The following MYO1E variants were observed in gnomAD, a reference collection of about 807,000 sequenced individuals.
MYO1E encodes unconventional myosin-Ie.
A neutral mutation model predicts 151.1 loss-of-function variants in MYO1E; 68 were observed. The ratio of observed to expected loss-of-function variants is 0.45; its 90% CI spans 0.37 to 0.55. The LOEUF (loss-of-function observed/expected upper bound fraction) is 0.55. Among genes scored for constraint, MYO1E ranks in the 20% least tolerant of loss-of-function variants. The probability of loss-of-function intolerance (pLI) is 0.00; values close to 1 mark genes in which losing one functional copy is unlikely to be tolerated. For missense variants in MYO1E, 1,363 were observed against 1,389.3 expected, an observed-to-expected ratio of 0.98 and a Z score of 0.30; for synonymous variants, 601 against 501.7, an observed-to-expected ratio of 1.20 and a Z score of -2.64.
At chr15:59,200,566 C>T (rs1596361961) in intron 16 of MYO1E, among the ~76,000 whole-genome samples, 1 of 152,188 alleles carries the variant, frequency 6.6e-6, no homozygotes, top group African/African-American at 2.4e-5. Flanking sequence ...AGGTGGATCG[C>T]TTGAGCCCAG....
intron 26 of MYO1E, among the ~76,000 whole-genome samples, chr15:59,142,671 C>T (rs545632801): frequency 2.0e-4 from 30 of 152,292 alleles, no homozygotes; most frequent in African/African-American, 7.0e-4. Context: ...CCTACAGACT[C>T]TGCCAGGGGC....
chr15:59,138,607 C>G (rs571700270), intron 26 of MYO1E, among the ~76,000 whole-genome samples: 1 of 152,288 alleles, frequency 6.6e-6, no homozygotes, highest in South Asian at 2.1e-4. Flanking sequence ...CACTGTGTCC[C>G]CAGCATAGAA....
intron 1 of MYO1E, among the ~76,000 whole-genome samples, chr15:59,316,050 G>A (rs1335452956): frequency 3.3e-5 from 5 of 152,140 alleles, no homozygotes; most frequent in African/African-American, 7.2e-5. Flanking sequence ...TTCTGAGAAG[G>A]AGCCTGAGCA....
chr15:59,156,344 C>T (rs2140308258), intron 25 of MYO1E, among the ~76,000 whole-genome samples: 1 of 152,268 alleles, frequency 6.6e-6, no homozygotes, highest in East Asian at 1.9e-4. Flanking sequence ...ACCACCATGC[C>T]TGGCTAATTT....
intron 2 of MYO1E, among the ~76,000 whole-genome samples, chr15:59,267,218 GT>G (rs34619945): frequency 0.97 from 146,383 of 151,644 alleles, 70,806 homozygotes; most frequent in Non-Finnish European, 1. Context: ...TAGAGACGGG[GT>G]TTTCACCATG....
intron 1 of MYO1E, among the ~76,000 whole-genome samples, chr15:59,356,351 A>C (rs1414448108): frequency 2.6e-5 from 4 of 152,148 alleles, no homozygotes; most frequent in Non-Finnish European, 5.9e-5. Flanking sequence ...GTTCCAACGA[A>C]AATGAAAGGC....
chr15:59,158,703 T>G (rs1164969104), intron 24 of MYO1E, among the ~76,000 whole-genome samples: 1 of 152,250 alleles, frequency 6.6e-6, no homozygotes, highest in Admixed American at 6.5e-5. Context: ...TTTAAACATT[T>G]GCATTCATGT....
rs180786741 is a variant in MYO1E at position 59,344,721 on chromosome 15, T to C, written c.3+27777A>G. On this transcript the variant is annotated intron_variant, in intron 1 of 27. Transcript: ENST00000288235. ...CTGGCACCAAAACCACCAAAGTCCT[T>C]CCCACTCTTACCTCCCACCTTTCCC... Among the ~76,000 whole-genome samples the C allele has an allele frequency of 3.1e-3, 476 of 152,276 alleles. 3 individuals are homozygous for C. Among genetic ancestry groups the C allele is most frequent in the Non-Finnish European group, 4.9e-3 (335 of 68,010 alleles).
chr15:59,195,530 C>T lies in MYO1E; in HGVS notation c.1736G>A (p.Cys579Tyr). ...GATGCAGCGAATGTAGTGGGGCGTACATTTCATCAGGGTGCTCACAAGGTC... is the reference window on the plus strand; with the variant it reads ...GATGCAGCGAATGTAGTGGGGCGTATATTTCATCAGGGTGCTCACAAGGTC... ...ANDLVSTLMK[C>Y]TPHYIRCIKP... The change falls in exon 17 of 28, where the codon TGT becomes TAT. Residue 579 changes from cysteine to tyrosine, a missense_variant. By Grantham distance (194) the Cys-to-Tyr change is radical. Coordinates refer to ENST00000288235, the MANE Select transcript of MYO1E (RefSeq NM_004998.4). The T allele has an allele frequency of 6.2e-7, 1 of 1,614,082 alleles. No homozygotes were observed. Among genetic ancestry groups the T allele is most frequent in the Non-Finnish European group, 8.5e-7 (1 of 1,179,974 alleles).
At chr15:59,274,298 C>T (rs1212908161) in intron 1 of MYO1E, among the ~76,000 whole-genome samples, 1 of 152,152 alleles carries the variant, frequency 6.6e-6, no homozygotes, top group African/African-American at 2.4e-5. Context: ...ACAAAATTAC[C>T]TCAGACCTCA....
At chr15:59,148,636 G>A (rs1046249370) in intron 26 of MYO1E, among the ~76,000 whole-genome samples, 32 of 152,180 alleles carry the variant, frequency 2.1e-4, no homozygotes, top group African/African-American at 7.7e-4. Flanking sequence ...TAGATTATGG[G>A]TTGAGAAATA....
At chr15:59,336,918 T>A (rs11857648) in intron 1 of MYO1E, among the ~76,000 whole-genome samples, 2 of 151,928 alleles carry the variant, frequency 1.3e-5, no homozygotes, top group Non-Finnish European at 2.9e-5. Flanking sequence ...GCAAAGGACA[T>A]GAACTCATCC....
chr15:59,179,747 A>G (rs1207828995), intron 18 of MYO1E, among the ~76,000 whole-genome samples: 1 of 152,280 alleles, frequency 6.6e-6, no homozygotes, highest in Admixed American at 6.5e-5. Context: ...TTTCTTTTAA[A>G]GATTATCCAG....
intron 1 of MYO1E, among the ~76,000 whole-genome samples, chr15:59,297,830 C>A (rs1414132566): frequency 6.6e-6 from 1 of 152,102 alleles, no homozygotes; most frequent in African/African-American, 2.4e-5. Context: ...GATCCTCCCA[C>A]CGTGGGCTTT....
intron 26 of MYO1E, among the ~76,000 whole-genome samples, chr15:59,139,244 TTACTCCTCACACTTCCCTCCCACC>T (rs2079393101): frequency 1.4e-5 from 1 of 72,680 alleles, no homozygotes; most frequent in African/African-American, 2.9e-5. Flanking sequence ...TCCCTCATTA[TTACTCCTCACACTTCCCTCCCACC>T]CCCTCATTAT....
chr15:59,157,599 G>C (rs986105451), intron 25 of MYO1E, among the ~76,000 whole-genome samples: 1 of 152,176 alleles, frequency 6.6e-6, no homozygotes. Flanking sequence ...CCCATCATCA[G>C]TCACTAAGCA....
At chr15:59,216,623 T>TATCTA (rs201595850) in intron 10 of MYO1E, among the ~76,000 whole-genome samples, 1 of 131,850 alleles carries the variant, frequency 7.6e-6, no homozygotes, top group Non-Finnish European at 1.6e-5. Flanking sequence ...TCTATCTATC[T>TATCTA]TTTGGATCGA....
intron 1 of MYO1E, among the ~76,000 whole-genome samples, chr15:59,303,962 A>G (rs1596408534): frequency 6.9e-6 from 1 of 144,464 alleles, no homozygotes; most frequent in African/African-American, 2.6e-5. Flanking sequence ...AGGCGTCTCT[A>G]TTTTCATTTT....
At chr15:59,236,402 ACACACACAC>A (rs1268305137) in intron 5 of MYO1E, among the ~76,000 whole-genome samples, 174 bp downstream of exon 5, 4 of 151,124 alleles carry the variant, frequency 2.6e-5, no homozygotes, top group African/African-American at 9.7e-5. Context: ...ACACACACAC[ACACACACAC>A]ACACACACAA....
Sources: allele counts gnomAD v4.1 joint callset (sites outside exome capture counted in the v4.1 genomes callset), GRCh38; gene constraint gnomAD v4.1.1; transcripts MANE v1.5; gene names NCBI Gene and HGNC (gene_info 2026-07-23, HGNC 2026-07-21).